CPD: variants seen among roughly 807,000 people sequenced by gnomAD.
The protein encoded by CPD is metallocarboxypeptidase D.
A neutral mutation model predicts 138.3 loss-of-function variants in CPD; 69 were observed. That is an observed-to-expected ratio of 0.50 (90% CI 0.41 to 0.61). The LOEUF (loss-of-function observed/expected upper bound fraction) is 0.61, where lower values mean the gene tolerates loss of function less well. Ranked by LOEUF, CPD falls within the 20% of genes least tolerant of loss-of-function variation. The pLI is 0.00. For missense variants in CPD, 1,432 were observed against 1,733.3 expected (o/e 0.83, Z 3.09); for synonymous variants, 651 against 642.1 (o/e 1.01, Z -0.21).
intron 6 of CPD, among the ~76,000 whole-genome samples, chr17:30,425,655 CAA>C (rs11337028): frequency 1.6e-3 from 179 of 113,584 alleles, no homozygotes; most frequent in African/African-American, 3.9e-3. Context: ...GACTCTGTCT[CAA>C]AAAAAAAAAA....
intron 17 of CPD, 185 bp downstream of exon 17, chr17:30,456,711 AG>A: frequency 3.9e-6 from 2 of 512,014 alleles, no homozygotes; most frequent in Non-Finnish European, 7.0e-6. Context: ...GTGTGGTGGC[AG>A]ACGCCCGTAA....
Position 30,464,897 on chromosome 17 carries a change from G to A in CPD, c.*83G>A, listed in dbSNP as rs181414678. On this transcript the variant is annotated 3_prime_UTR_variant, in exon 21 of 21. Coordinates refer to ENST00000225719, the MANE Select transcript of CPD (RefSeq NM_001304.5). ...GGGAGAACACTGCATTAAGAAGAGA[G>A]ACTCTCTTGCTTCTTCAAAGAGCTT... The A allele has an allele frequency of 6.1e-5, 65 of 1,064,074 alleles. No individual in the cohort carries two copies. In the East Asian group the frequency reaches 1.3e-3, roughly 21 times the overall value. The allele number at this position is 1,064,074 out of a possible 1,614,324, so 65.9% of individuals were successfully genotyped here.
In CPD at chr17:30,401,194, T is replaced by TTGCTGC. The variant is rs541279857; in HGVS notation, c.994+15972_994+15977dup. Reference sequence around the variant, plus strand: ...TATGGCCACTTTCAAGACTATTTTATTGCTGCTGCTGCTGCTGCTTCTGCT... The same window carrying TTGCTGC: ...TATGGCCACTTTCAAGACTATTTTATTGCTGCTGCTGCTGCTGCTGCTGCTTCTGCT... On this transcript the variant is annotated intron_variant, in intron 2 of 20. Coordinates refer to ENST00000225719, the MANE Select transcript of CPD (RefSeq NM_001304.5). Among the ~76,000 whole-genome samples the TTGCTGC allele has an allele frequency of 4.6e-5, 7 of 151,838 alleles. No individual in the cohort carries two copies. In the South Asian group the frequency reaches 1.0e-3, roughly 23 times the overall value.
intron 17 of CPD, among the ~76,000 whole-genome samples, chr17:30,460,258 A>G (rs1488992893): frequency 6.6e-6 from 1 of 152,216 alleles, no homozygotes; most frequent in Non-Finnish European, 1.5e-5. Flanking sequence ...ACAGAAGTTT[A>G]AGAATGGAAA....
intron 7 of CPD, 148 bp from the exon 8 acceptor site, chr17:30,431,624 A>C (rs528273445): frequency 9.7e-6 from 6 of 620,136 alleles, no homozygotes; most frequent in African/African-American, 9.4e-5. Context: ...TGAATTGAAG[A>C]AATTAGTGTA....
chr17:30,409,669 T>C (rs1911905313), intron 2 of CPD, among the ~76,000 whole-genome samples: 1 of 152,028 alleles, frequency 6.6e-6, no homozygotes, highest in South Asian at 2.1e-4. Flanking sequence ...TCTCTGATGG[T>C]AGTTTGTATT....
intron 5 of CPD, 142 bp downstream of exon 5, chr17:30,423,165 A>G: frequency 4.5e-6 from 3 of 665,704 alleles, no homozygotes; most frequent in South Asian, 4.5e-5. Context: ...AGAAAGCAAA[A>G]AAGAAAATGT....
chr17:30,438,660 A>T (rs1304450874), intron 8 of CPD, among the ~76,000 whole-genome samples: 1 of 152,046 alleles, frequency 6.6e-6, no homozygotes, highest in African/African-American at 2.4e-5. Context: ...ATGAGCAGAA[A>T]TTTTTTTTAG....
chr17:30,379,350 C>G lies in CPD; in HGVS notation c.370C>G (p.Pro124Ala). The change falls in exon 1 of 21, where the codon CCG becomes GCG. Residue 124 changes from proline (P) to alanine (A), a missense_variant. Around this residue, in one of 6 missense-constraint regions of CPD, gnomAD observed 484 missense variants for 477.2 expected, o/e 1.01. Coordinates refer to ENST00000225719, the MANE Select transcript of CPD (RefSeq NM_001304.5). This position sits in a 1 kb window ranked among gnomAD's most constrained non-coding sequence, Gnocchi z 7.0. ...CGCTGCCGGGCCCGACGCTGCGGGG[C>G]CGCTGCTGCCCGGCCGGCCCCAGGT... is the stretch of plus-strand genomic sequence containing the variant. ...PDAAGPDAAGPLLPGRPQVKL... is the reference protein window; with the variant it reads ...PDAAGPDAAGALLPGRPQVKL... 1 of 1,495,660 alleles carries G rather than the reference C, an allele frequency of 6.7e-7. No individual in the cohort carries two copies. The highest frequency in any genetic ancestry group is 1.3e-5 in the South Asian group (1 of 79,816). The allele number at this position is 1,495,660 out of a possible 1,614,324, so 92.6% of individuals were successfully genotyped here.
chr17:30,426,790 C>A (rs1912423249), intron 6 of CPD, among the ~76,000 whole-genome samples: 1 of 152,180 alleles, frequency 6.6e-6, no homozygotes, highest in Admixed American at 6.5e-5. Context: ...AGGTTGTTAT[C>A]ATCCTTGCTT....
At chr17:30,417,621 G>A (rs766025181) in intron 2 of CPD, among the ~76,000 whole-genome samples, 2 of 152,152 alleles carry the variant, frequency 1.3e-5, no homozygotes, top group East Asian at 3.9e-4. Flanking sequence ...ATCAGATCCT[G>A]TCAGTATCTT....
chr17:30,452,282 CTTTTTTTTTTTTTT>C (rs1913186999), intron 14 of CPD, among the ~76,000 whole-genome samples: 1 of 139,994 alleles, frequency 7.1e-6, no homozygotes, highest in Non-Finnish European at 1.6e-5. Context: ...CATTCTTTTT[CTTTTTTTTTTTTTT>C]GAGACAGAGT....
In CPD at chr17:30,462,011, T is replaced by A. The variant is rs1913489756; in HGVS notation, c.3765T>A (p.Gly1255=). ...ATTTCCATGTACTCTTAGCGCCAGG[T>A]GTCCATAACATTATTGCCATCGCTG... ...GGYFHVLLAP[G]VHNIIAIADG... is the part of the protein sequence containing the mutation. Residue 1255 remains glycine (G), a synonymous_variant, in exon 19 of 21, where the codon GGT becomes GGA. Coordinates refer to ENST00000225719, the MANE Select transcript of CPD (RefSeq NM_001304.5). The A allele has an allele frequency of 1.2e-6, 2 of 1,613,710 alleles. No homozygotes were observed. Among genetic ancestry groups the A allele is most frequent in the Non-Finnish European group, 1.7e-6 (2 of 1,179,852 alleles).
Position 30,462,380 on chromosome 17 carries a change from A to C in CPD, c.3827A>C (p.His1276Pro). 6.2e-7 allele frequency: 1 copy of C among 1,613,652 alleles called. No individual in the cohort carries two copies. Among genetic ancestry groups the C allele is most frequent in the Non-Finnish European group, 8.5e-7 (1 of 1,179,688 alleles). Residue 1276 changes from histidine to proline, a missense_variant, in exon 20 of 21, where the codon CAT (histidine) becomes CCT (proline). Around this residue, in one of 6 missense-constraint regions of CPD, gnomAD observed 366 missense variants for 518.8 expected, o/e 0.71. Coordinates refer to ENST00000225719, the MANE Select transcript of CPD (RefSeq NM_001304.5). The stretch of plus-strand genomic sequence containing the variant: ...ACTTTCTCCTTCTAGGTCTTTGTGC[A>C]TCATGATGCAGCTAGTTCTGTGGTG... ...YQQQHSQVFV[H>P]HDAASSVVIV...
intron 12 of CPD, among the ~76,000 whole-genome samples, chr17:30,447,221 A>G (rs543879790): frequency 9.9e-5 from 15 of 152,124 alleles, no homozygotes; most frequent in Non-Finnish European, 1.3e-4. Flanking sequence ...TGCCATTGCT[A>G]TTGGTGTTTT....
Position 30,434,382 on chromosome 17 carries a change from C to G in CPD, c.2127+2501C>G, listed in dbSNP as rs1293343366. Among the ~76,000 whole-genome samples, 4 of 152,082 alleles carry G rather than the reference C, an allele frequency of 2.6e-5. No homozygotes were observed. In the East Asian group the frequency reaches 7.7e-4, roughly 29 times the overall value. ...GGCTTTGTGGTGAGGTAAAACAGAC[C>G]AAGAAAACTTACGGAGAAGACAGAA... On this transcript the variant is annotated intron_variant, in intron 8 of 20. Transcript: ENST00000225719.
At chr17:30,464,498 G>T in intron 20 of CPD, 90 bp from the exon 21 acceptor site, 1 of 925,414 alleles carries the variant, frequency 1.1e-6, no homozygotes, top group Non-Finnish European at 1.7e-6. Context: ...AATAAATGAG[G>T]GGTATATTAT....
chr17:30,444,973 G>T (rs1912987674), intron 11 of CPD, among the ~76,000 whole-genome samples: 1 of 151,852 alleles, frequency 6.6e-6, no homozygotes, highest in South Asian at 2.1e-4. Context: ...TTCCATTTTT[G>T]GCAGAGTGTT....
chr17:30,392,071 G>A (rs537263550), intron 2 of CPD, among the ~76,000 whole-genome samples: 7 of 149,424 alleles, frequency 4.7e-5, no homozygotes, highest in South Asian at 4.2e-4. Context: ...GTGAAGTGGC[G>A]CAATCTCGGC....
Sources: allele counts gnomAD v4.1 joint callset (sites outside exome capture counted in the v4.1 genomes callset), GRCh38; gene constraint gnomAD v4.1.1; regional missense constraint gnomAD v4.1.1; non-coding constraint Gnocchi (gnomAD v3.1); transcripts MANE v1.5; gene names NCBI Gene and HGNC (gene_info 2026-07-23, HGNC 2026-07-21).